Variants in UBE2Z observed in about 807,000 individuals in gnomAD.
The protein encoded by UBE2Z is ubiquitin conjugating enzyme E2 Z.
UBE2Z carries 10 observed loss-of-function variants against 32.6 expected under a neutral mutation model. That is an observed-to-expected ratio of 0.31 (90% CI 0.19 to 0.52). UBE2Z has a LOEUF of 0.52. Ranked by LOEUF, UBE2Z falls within the 20% of genes least tolerant of loss-of-function variation. UBE2Z has a pLI of 0.97. For synonymous variants in UBE2Z, 183 were observed against 190.8 expected (o/e 0.96, Z 0.34); for missense variants, 343 against 480.9 (o/e 0.71, Z 2.68).
intron 1 of UBE2Z, 138 bp downstream of exon 1, chr17:48,908,958 C>A: frequency 1.9e-6 from 1 of 537,196 alleles, no homozygotes; most frequent in Non-Finnish European, 2.9e-6. Context: ...CCAAATCTTG[C>A]CAGCTCCGGG....
intron 4 of UBE2Z, among the ~76,000 whole-genome samples, chr17:48,919,830 A>G (rs921132259): frequency 2.6e-5 from 4 of 152,198 alleles, no homozygotes; most frequent in Non-Finnish European, 2.9e-5. Context: ...CTAGAGACAT[A>G]TAACAGGTAA....
intron 4 of UBE2Z, among the ~76,000 whole-genome samples, chr17:48,918,006 G>A (rs1336392322): frequency 1.3e-5 from 2 of 152,034 alleles, no homozygotes; most frequent in African/African-American, 2.4e-5. Context: ...GCACAATCTC[G>A]GCTCACAGCA....
Position 48,927,228 on chromosome 17 carries a change from C to A in UBE2Z, c.*94C>A. The A allele has an allele frequency of 7.4e-7, 1 of 1,346,150 alleles. No individual in the cohort carries two copies. The highest frequency in any genetic ancestry group is 1.0e-6 in the Non-Finnish European group (1 of 979,374). 83.4% of individuals were successfully genotyped at this position (1,346,150 alleles called of 1,614,324 possible). A position where few individuals can be genotyped will look rare whatever the true frequency, so the allele number is the denominator to read the frequency against. ...TGGAGAGGCACTGTGTATCTCCCTC[C>A]AGACTCGAAGTCATCCTGCAAGATG... On this transcript the variant is annotated 3_prime_UTR_variant, in exon 7 of 7. Transcript: ENST00000360943.
At chr17:48,909,715 A>G (rs186586610) in intron 1 of UBE2Z, among the ~76,000 whole-genome samples, 2 of 152,126 alleles carry the variant, frequency 1.3e-5, no homozygotes, top group Admixed American at 6.6e-5. Context: ...AATAGTACCT[A>G]TCGCATAAGA....
intron 1 of UBE2Z, chr17:48,910,579 C>T: frequency 2.2e-6 from 1 of 444,544 alleles, no homozygotes; most frequent in Non-Finnish European, 4.1e-6. Flanking sequence ...TCTCCCTCCC[C>T]TCCCCCTGAG....
chr17:48,910,925 G>A (rs1455519747), intron 2 of UBE2Z, 45 bp downstream of exon 2: 2 of 1,453,424 alleles, frequency 1.4e-6, no homozygotes, highest in South Asian at 1.1e-5. Context: ...GAAATTGGGG[G>A]CCATAAGGTT....
intron 1 of UBE2Z, chr17:48,910,321 T>C (rs1387011726): frequency 6.4e-6 from 1 of 156,990 alleles, no homozygotes; most frequent in East Asian, 1.8e-4. Context: ...CTCTGCTGGC[T>C]GGCTTGCTTC....
intron 4 of UBE2Z, among the ~76,000 whole-genome samples, chr17:48,920,851 T>G (rs2040753685): frequency 1.3e-5 from 2 of 152,042 alleles, no homozygotes. Flanking sequence ...ATTCTTATGT[T>G]TGGTTATTTC....
In UBE2Z at chr17:48,928,159, G is replaced by A. The variant is rs1453611260; in HGVS notation, c.*1025G>A. 2.0e-5 allele frequency: 3 copies of A among 152,098 alleles called. No homozygotes were observed. The highest frequency in any genetic ancestry group is 1.3e-4 in the Admixed American group (2 of 15,246). 9.4% of individuals were successfully genotyped at this position (152,098 alleles called of 1,614,324 possible). On this transcript the variant is annotated 3_prime_UTR_variant, in exon 7 of 7. Coordinates refer to ENST00000360943, the MANE Select transcript of UBE2Z (RefSeq NM_023079.5). ...ACCCCAGGGATTTTTGGGGAGCAAG[G>A]GTAGCCAATGGCAGAGGGGGTTGGG...
In UBE2Z at chr17:48,908,819, C is replaced by G; in HGVS notation, c.316C>G (p.Arg106Gly). ...TAPQCLLRIK[R>G]DIMSIYKEPP... ...GCCGCAGTGTCTACTCCGGATCAAG[C>G]GGTGAGCCGGGGTTTTTCCTCCCCC... Residue 106 changes from arginine (R) to glycine (G), a missense_variant and splice_region_variant, in exon 1 of 7, where the codon CGG (arginine) becomes GGG (glycine). Around this residue, in one of 4 missense-constraint regions of UBE2Z, gnomAD observed 55 missense variants for 56.2 expected, o/e 0.98. Coordinates refer to ENST00000360943, the MANE Select transcript of UBE2Z (RefSeq NM_023079.5). The G allele has an allele frequency of 6.7e-7, 1 of 1,495,308 alleles. No individual in the cohort carries two copies. Among genetic ancestry groups the G allele is most frequent in the Non-Finnish European group, 8.9e-7 (1 of 1,126,746 alleles). 92.6% of individuals were successfully genotyped at this position (1,495,308 alleles called of 1,614,324 possible).
intron 3 of UBE2Z, among the ~76,000 whole-genome samples, chr17:48,913,294 C>A (rs1332330175): frequency 1.3e-5 from 2 of 152,046 alleles, no homozygotes; most frequent in Admixed American, 6.6e-5. Context: ...TTTCTGGGGC[C>A]CTATCTTAGA....
At position 48,910,877 on chromosome 17, in the gene UBE2Z, T is replaced by G. The variant is rs765435013; in HGVS notation, c.387T>G (p.Thr129=). 6.2e-7 allele frequency: 1 copy of G among 1,612,788 alleles called. No individual in the cohort carries two copies. Among genetic ancestry groups the G allele is most frequent in the Non-Finnish European group, 8.5e-7 (1 of 1,179,184 alleles). Residue 129 remains threonine (T), a synonymous_variant, in exon 2 of 7, where the codon ACT becomes ACG. Transcript: ENST00000360943. ...MFVVPDTVDM[T]KIHALITGPF... is the part of the protein sequence containing the mutation. ...TTGTACCTGATACTGTTGACATGAC[T>G]AAGGTATGTAACTTGATGGGGGTTT... is the stretch of plus-strand genomic sequence containing the variant.
intron 6 of UBE2Z, among the ~76,000 whole-genome samples, chr17:48,923,744 T>C (rs189857916): frequency 1.3e-5 from 2 of 152,026 alleles, no homozygotes; most frequent in East Asian, 1.9e-4. Context: ...TTTTTTTTTT[T>C]TTTTTAAAGG....
intron 1 of UBE2Z, 49 bp downstream of exon 1, chr17:48,908,869 T>C (rs765347681): frequency 5.0e-5 from 63 of 1,247,682 alleles, no homozygotes; most frequent in Admixed American, 2.4e-4. Context: ...GGGCTCGACC[T>C]TCCCCGCCCC....
chr17:48,922,778 AGGTT>A, intron 5 of UBE2Z, 65 bp from the exon 6 acceptor site: 4 of 1,204,628 alleles, frequency 3.3e-6, no homozygotes, highest in East Asian at 5.0e-5. Context: ...AAAAAAAAAA[AGGTT>A]AGGTAAGGAA....
At chr17:48,910,982 G>A in intron 2 of UBE2Z, 102 bp downstream of exon 2, 1 of 971,486 alleles carries the variant, frequency 1.0e-6, no homozygotes, top group Non-Finnish European at 1.7e-6. Flanking sequence ...CGATTACACA[G>A]ATGAAGAAAT....
intron 4 of UBE2Z, among the ~76,000 whole-genome samples, chr17:48,919,732 C>T (rs2040746047): frequency 6.6e-6 from 1 of 152,206 alleles, no homozygotes. Flanking sequence ...CCTGCATCGG[C>T]TTCCCAAAGT....
chr17:48,927,194 C>G lies in UBE2Z; in HGVS notation c.*60C>G. The stretch of plus-strand genomic sequence containing the variant: ...GTCCCAGCAGAATCCCTTCCCCCCA[C>G]CCCAGGGATGGAGAGGCACTGTGTA... On this transcript the variant is annotated 3_prime_UTR_variant, in exon 7 of 7. Transcript: ENST00000360943. 6.4e-7 allele frequency: 1 copy of G among 1,554,324 alleles called. No individual in the cohort carries two copies. Among genetic ancestry groups the G allele is most frequent in the Non-Finnish European group, 8.8e-7 (1 of 1,136,736 alleles).
At chr17:48,912,386 T>G (rs73329970) in intron 2 of UBE2Z, 1,652 of 158,140 alleles carry the variant, frequency 0.01, 29 homozygotes, top group African/African-American at 0.037. Flanking sequence ...AAACATATAT[T>G]CAGTCAAAAT....
Sources: gnomAD v4.1 joint callset for allele counts (sites outside exome capture counted in the v4.1 genomes callset) on GRCh38, gnomAD v4.1.1 for gene constraint, gnomAD v4.1.1 regional missense constraint, MANE v1.5 for transcripts, NCBI Gene and HGNC (gene_info 2026-07-23, HGNC 2026-07-21) for gene names.